The following SPATA6 variants were observed in gnomAD, a reference collection of about 807,000 sequenced individuals.
SPATA6 encodes spermatogenesis associated 6.
SPATA6 carries 56 observed loss-of-function variants against 65.3 expected under a neutral mutation model. The observed-to-expected ratio is 0.86, with a 90% CI of 0.69 to 1.07. The LOEUF (loss-of-function observed/expected upper bound fraction) is 1.07, where lower values mean the gene tolerates loss of function less well. Among genes scored for constraint, SPATA6 ranks in the 50% least tolerant of loss-of-function variants. The probability of loss-of-function intolerance (pLI) is 0.00; values close to 1 mark genes in which losing one functional copy is unlikely to be tolerated. For missense variants in SPATA6, 590 were observed against 594.8 expected (o/e 0.99, Z 0.08); for synonymous variants, 199 against 213.2 (o/e 0.93, Z 0.58).
At chr1:48,270,931 A>G in the SPATA6 span, among the ~76,000 whole-genome samples, 1 of 152,148 alleles carries the variant, frequency 6.6e-6, no homozygotes, top group Non-Finnish European at 1.5e-5. Context: ...TTATCATATT[A>G]ACTCTTAATT....
chr1:48,401,589 T>C (rs1651169001), intron 6 of SPATA6, among the ~76,000 whole-genome samples: 1 of 152,114 alleles, frequency 6.6e-6, no homozygotes, highest in Non-Finnish European at 1.5e-5. Flanking sequence ...TCCTAAAACC[T>C]TCCTGCCATC....
At chr1:48,430,649 A>G (rs967325557) in intron 3 of SPATA6, among the ~76,000 whole-genome samples, 1 of 152,194 alleles carries the variant, frequency 6.6e-6, no homozygotes, top group Non-Finnish European at 1.5e-5. Context: ...AAATACTAGT[A>G]TATTTTTTCA....
At chr1:48,267,767 T>TG in the SPATA6 span, among the ~76,000 whole-genome samples, 1 of 137,168 alleles carries the variant, frequency 7.3e-6, no homozygotes, top group South Asian at 2.6e-4. Flanking sequence ...TTTTTTTTTT[T>TG]TTTTTTTTTT....
At position 48,399,646 on chromosome 1, in the gene SPATA6, T is replaced by G. The variant is rs774923852; in HGVS notation, c.487-2A>C. 6.4e-7 allele frequency: 1 copy of G among 1,559,562 alleles called. No homozygotes were observed. Among genetic ancestry groups the G allele is most frequent in the East Asian group, 2.3e-5 (1 of 44,266 alleles). Reference sequence around the variant, plus strand: ...AGCCAAATGGTAAATAAATTTATCCTAAACATAAAAAATAAAAATTAACTT... The same window carrying G: ...AGCCAAATGGTAAATAAATTTATCCGAAACATAAAAAATAAAAATTAACTT... On this transcript the variant is annotated splice_acceptor_variant, in intron 6 of 12. Transcript: ENST00000371847. LOFTEE classifies it high-confidence loss of function.
At chr1:48,411,730 TTAAAA>T (rs1403654804) in intron 4 of SPATA6, 142 bp from the exon 5 acceptor site, 1 of 694,390 alleles carries the variant, frequency 1.4e-6, no homozygotes, top group African/African-American at 1.9e-5. Flanking sequence ...GAAAGGAAAA[TTAAAA>T]TAAAGATATG....
intron 11 of SPATA6, among the ~76,000 whole-genome samples, chr1:48,306,183 A>G (rs1380148319): frequency 6.6e-6 from 1 of 152,038 alleles, no homozygotes; most frequent in African/African-American, 2.4e-5. Flanking sequence ...ATGTAAATTA[A>G]CATTATCTTA....
chr1:48,355,840 T>G lies in SPATA6; in HGVS notation c.1095-71A>C, dbSNP rs561187195. On this transcript the variant is annotated intron_variant, in intron 10 of 12. Transcript: ENST00000371847. ...ATGATTCTAAGCTATACTATCAAGT[T>G]TTCACAGTATGTTCAACAAATAGTC... 8.4e-6 allele frequency: 10 copies of G among 1,197,188 alleles called. No homozygotes were observed. The South Asian group carries it at 1.1e-4, about 13-fold the overall frequency. 74.2% of individuals were successfully genotyped at this position (1,197,188 alleles called of 1,614,324 possible). A position where few individuals can be genotyped will look rare whatever the true frequency, so the allele number is the denominator to read the frequency against.
chr1:48,279,154 C>G, the SPATA6 span, among the ~76,000 whole-genome samples: 1 of 151,630 alleles, frequency 6.6e-6, no homozygotes, highest in African/African-American at 2.4e-5. Flanking sequence ...CACCACCAGG[C>G]CTGCCCTAAA....
chr1:48,384,229 G>A (rs1649163437), intron 9 of SPATA6, among the ~76,000 whole-genome samples: 3 of 143,974 alleles, frequency 2.1e-5, no homozygotes, highest in Non-Finnish European at 3.0e-5. Flanking sequence ...GCAGGCACTC[G>A]GCAGGCTGAG....
chr1:48,439,663 C>T (rs1025856222), intron 3 of SPATA6, among the ~76,000 whole-genome samples: 3 of 151,970 alleles, frequency 2.0e-5, no homozygotes, highest in Non-Finnish European at 4.4e-5. Flanking sequence ...CCAAAACCAC[C>T]GGCGTTTTTT....
At chr1:48,459,511 G>A (rs1161493850) in intron 1 of SPATA6, among the ~76,000 whole-genome samples, 1 of 152,078 alleles carries the variant, frequency 6.6e-6, no homozygotes, top group Non-Finnish European at 1.5e-5. Context: ...TTACACATTT[G>A]AATTTCAGTA....
chr1:48,310,675 C>A (rs1645182622), intron 11 of SPATA6, among the ~76,000 whole-genome samples: 1 of 152,140 alleles, frequency 6.6e-6, no homozygotes, highest in South Asian at 2.1e-4. Context: ...ATGAACAGAA[C>A]AATCAGGCAG....
chr1:48,366,948 C>T (rs1647038999), intron 9 of SPATA6, among the ~76,000 whole-genome samples: 1 of 152,172 alleles, frequency 6.6e-6, no homozygotes, highest in South Asian at 2.1e-4. Context: ...TATAAATTTC[C>T]CTCTACACAC....
chr1:48,276,481 AT>A, the SPATA6 span, among the ~76,000 whole-genome samples: 1 of 152,174 alleles, frequency 6.6e-6, no homozygotes, highest in Non-Finnish European at 1.5e-5. Context: ...AGTGCTATAC[AT>A]TTCCCTGTAA....
chr1:48,363,758 C>CT (rs144324979), intron 9 of SPATA6, among the ~76,000 whole-genome samples: 2 of 119,742 alleles, frequency 1.7e-5, no homozygotes, highest in Non-Finnish European at 3.6e-5. Flanking sequence ...AAGGAAACTT[C>CT]TTTTTTTTCA....
At chr1:48,428,893 T>TG (rs1557698908) in intron 3 of SPATA6, among the ~76,000 whole-genome samples, 4 of 123,804 alleles carry the variant, frequency 3.2e-5, no homozygotes, top group East Asian at 4.7e-4. Flanking sequence ...GTGTGTGTGT[T>TG]TGTGTGTGTG....
Position 48,411,457 on chromosome 1 carries a change from C to T in SPATA6, c.405+7G>A, listed in dbSNP as rs1652218410. 6.2e-7 allele frequency: 1 copy of T among 1,603,492 alleles called. No individual in the cohort carries two copies. Among genetic ancestry groups the T allele is most frequent in the Non-Finnish European group, 8.5e-7 (1 of 1,174,594 alleles). ...AAAAACTGATTCAGAAAATTGCAAG[C>T]ACTTACTCGAAGGCCAGAAATCCTC... On this transcript the variant is annotated splice_region_variant and intron_variant, in intron 5 of 12. Coordinates refer to ENST00000371847, the MANE Select transcript of SPATA6 (RefSeq NM_019073.4).
chr1:48,370,935 C>T (rs536437144), intron 9 of SPATA6, among the ~76,000 whole-genome samples: 1 of 152,252 alleles, frequency 6.6e-6, no homozygotes, highest in South Asian at 2.1e-4. Flanking sequence ...AACTGACAAA[C>T]TTTCTGAGAA....
Position 48,413,126 on chromosome 1 carries a change from TA to T in SPATA6, c.263del (p.Ile88AsnfsTer3). ...LEYDTAVFEL[I>X]QLVPPVGETL... is the part of the protein sequence containing the mutation. ...ATATATTACCTGGTGGAACTAGCTG[TA>T]TCAACTCGAACACTGCTGTATCATC... On this transcript the variant is annotated frameshift_variant, in exon 4 of 13. Coordinates refer to ENST00000371847, the MANE Select transcript of SPATA6 (RefSeq NM_019073.4). LOFTEE classifies it high-confidence loss of function. The T allele has an allele frequency of 1.4e-6, 2 of 1,394,098 alleles. No homozygotes were observed. The highest frequency in any genetic ancestry group is 2.9e-5 in the East Asian group (1 of 34,188). The allele number at this position is 1,394,098 out of a possible 1,614,324, so 86.4% of individuals were successfully genotyped here. A position where few individuals can be genotyped will look rare whatever the true frequency, so the allele number is the denominator to read the frequency against.
Sources: gnomAD v4.1 joint callset for allele counts (sites outside exome capture counted in the v4.1 genomes callset) on GRCh38, gnomAD v4.1.1 for gene constraint, MANE v1.5 for transcripts, NCBI Gene and HGNC (gene_info 2026-07-23, HGNC 2026-07-21) for gene names.